The following MRTFA variants were observed in gnomAD, a reference collection of about 807,000 sequenced individuals.
MRTFA encodes the protein myocardin related transcription factor A.
MRTFA carries 20 observed loss-of-function variants against 83.5 expected under a neutral mutation model. That is an observed-to-expected ratio of 0.24 (90% confidence interval 0.17 to 0.35). The LOEUF is 0.35. MRTFA is among the 10% of genes least tolerant of loss of function. MRTFA has a pLI of 1.00. For synonymous variants in MRTFA, 659 were observed against 541.2 expected (o/e 1.22, Z -3.02); for missense variants, 1,200 against 1,224.7 (o/e 0.98, Z 0.30).
intron 3 of MRTFA, among the ~76,000 whole-genome samples, chr22:40,464,214 T>C (rs1006376805): frequency 6.7e-6 from 1 of 149,644 alleles, no homozygotes; most frequent in Non-Finnish European, 1.5e-5. Flanking sequence ...GGCAGGAGAA[T>C]TGCTTGAACC....
intron 1 of MRTFA, among the ~76,000 whole-genome samples, chr22:40,613,811 G>C (rs2056415736): frequency 6.6e-6 from 1 of 152,174 alleles, no homozygotes; most frequent in Non-Finnish European, 1.5e-5. Flanking sequence ...TCTGGAGGCT[G>C]AAGTGGGAGA....
chr22:40,450,600 C>T (rs957187305), intron 4 of MRTFA, among the ~76,000 whole-genome samples: 3 of 148,678 alleles, frequency 2.0e-5, no homozygotes, highest in East Asian at 2.0e-4. Context: ...GGATTACAGG[C>T]GCCTGCCACC....
chr22:40,448,507 G>A (rs2053426342), intron 4 of MRTFA, among the ~76,000 whole-genome samples: 1 of 152,164 alleles, frequency 6.6e-6, no homozygotes, highest in Non-Finnish European at 1.5e-5. Flanking sequence ...CAAAATGCAT[G>A]ATGGGTTACC....
rs145068709 is a variant in MRTFA, at chr22:40,423,582, T to C, written c.881A>G (p.Asn294Ser). 9.8e-5 allele frequency: 156 copies of C among 1,590,366 alleles called. 2 individuals are homozygous for C. In the East Asian group the frequency reaches 1.6e-3, roughly 16 times the overall value. ...CTTGGCAGTGGGGATAGTGGTTCCA[T>C]TGGTGAGGCTGGGAGGCAGCAGAGG... Residue 294 changes from asparagine (N) to serine (S), a missense_variant, in exon 9 of 15, where the codon AAT (asparagine) becomes AGT (serine). Around this residue, in one of 2 missense-constraint regions of MRTFA, gnomAD observed 1,107 missense variants for 1,041.8 expected, o/e 1.06. Coordinates refer to ENST00000355630, the MANE Select transcript of MRTFA (RefSeq NM_020831.6).
intron 2 of MRTFA, among the ~76,000 whole-genome samples, chr22:40,582,988 T>C (rs892807387): frequency 6.6e-6 from 1 of 152,120 alleles, no homozygotes; most frequent in East Asian, 1.9e-4. Context: ...AAGCAGCTAA[T>C]AGATTTAGAG....
chr22:40,635,300 G>T (rs1702639160), intron 1 of MRTFA, among the ~76,000 whole-genome samples: 1 of 152,108 alleles, frequency 6.6e-6, no homozygotes, highest in Non-Finnish European at 1.5e-5. Flanking sequence ...AGTTTTGGGG[G>T]TCTTCTGAAG....
At chr22:40,439,219 G>C (rs921381824) in intron 4 of MRTFA, among the ~76,000 whole-genome samples, 3 of 152,258 alleles carry the variant, frequency 2.0e-5, no homozygotes, top group Middle Eastern at 3.4e-3. Context: ...TTAGAGAAGA[G>C]AGGCTGGGCA....
chr22:40,444,968 G>C (rs1389191535), intron 4 of MRTFA, among the ~76,000 whole-genome samples: 1 of 152,188 alleles, frequency 6.6e-6, no homozygotes, highest in Non-Finnish European at 1.5e-5. Flanking sequence ...TTGGGAGGCT[G>C]AGATGGAAGA....
Position 40,423,649 on chromosome 22 carries a change from C to T in MRTFA, c.814G>A (p.Glu272Lys). ...GGCTGCTCTGCCAGGAAAAGCATTT[C>T]TCTGGAATCCCGGCCCATCGGAAGT... Residue 272 changes from glutamate (E) to lysine (K), a missense_variant, in exon 9 of 15, where the codon GAA (glutamate) becomes AAA (lysine). Glu to Lys is a moderately conservative substitution (Grantham distance 56). This residue lies in a region of MRTFA where 1,107 missense variants were observed against 1,041.8 expected (regional missense o/e 1.06). Coordinates refer to ENST00000355630, the MANE Select transcript of MRTFA (RefSeq NM_020831.6). 6.3e-7 allele frequency: 1 copy of T among 1,586,434 alleles called. No individual in the cohort carries two copies. The highest frequency in any genetic ancestry group is 8.6e-7 in the Non-Finnish European group (1 of 1,165,432).
At chr22:40,436,387 C>G (rs1183569759) in intron 4 of MRTFA, 1 of 154,408 alleles carries the variant, frequency 6.5e-6, no homozygotes. Context: ...TCCTTCTTCA[C>G]TGCACCTGTT....
chr22:40,417,486 G>A lies in MRTFA; in HGVS notation c.2372C>T (p.Ser791Phe). The A allele has an allele frequency of 6.8e-7, 1 of 1,463,294 alleles. No homozygotes were observed. Among genetic ancestry groups the A allele is most frequent in the Non-Finnish European group, 9.2e-7 (1 of 1,090,228 alleles). The allele number at this position is 1,463,294 out of a possible 1,614,324, so 90.6% of individuals were successfully genotyped here. A position where few individuals can be genotyped will look rare whatever the true frequency, so the allele number is the denominator to read the frequency against. ...GGCAGGCGCTGGAGAGCCAGGCTGG[G>A]ACGAGGGCTGGACAGGAGAGCAGGG... Residue 791 changes from serine to phenylalanine, a missense_variant, in exon 13 of 15, where the codon TCC becomes TTC. Physicochemically the swap from Ser to Phe is radical, Grantham distance 155. Around this residue, in one of 2 missense-constraint regions of MRTFA, gnomAD observed 1,107 missense variants for 1,041.8 expected, o/e 1.06. Coordinates refer to ENST00000355630, the MANE Select transcript of MRTFA (RefSeq NM_020831.6).
intron 11 of MRTFA, among the ~76,000 whole-genome samples, chr22:40,419,953 C>T (rs1028801864): frequency 2.0e-5 from 3 of 152,194 alleles, no homozygotes; most frequent in African/African-American, 7.2e-5. Flanking sequence ...TCTGCATTAA[C>T]CGGCAAAGGG....
Position 40,420,828 on chromosome 22 carries a change from G to A in MRTFA, c.1181+19C>T, listed in dbSNP as rs1569254100. Reference sequence around the variant, plus strand: ...GGCTCGGGGAGGGCAGGGGCAGGCAGTGAGGAGCGGGTGCCTACTTTGGCG... The same window carrying A: ...GGCTCGGGGAGGGCAGGGGCAGGCAATGAGGAGCGGGTGCCTACTTTGGCG... On this transcript the variant is annotated intron_variant, in intron 10 of 14. Transcript: ENST00000355630. 1.2e-6 allele frequency: 2 copies of A among 1,612,488 alleles called. No individual in the cohort carries two copies. The highest frequency in any genetic ancestry group is 1.7e-6 in the Non-Finnish European group (2 of 1,179,840).
intron 1 of MRTFA, among the ~76,000 whole-genome samples, chr22:40,627,791 G>C (rs557473639): frequency 6.6e-6 from 1 of 152,114 alleles, no homozygotes; most frequent in African/African-American, 2.4e-5. Flanking sequence ...TCAGCCTGGG[G>C]AACACTGTGA....
intron 1 of MRTFA, among the ~76,000 whole-genome samples, chr22:40,602,318 T>C (rs2056269602): frequency 6.6e-6 from 1 of 152,190 alleles, no homozygotes; most frequent in Non-Finnish European, 1.5e-5. Flanking sequence ...GTGTGCTAAG[T>C]ACTTCAATAC....
rs149173803 is a variant in MRTFA at position 40,562,067 on chromosome 22, A to G, written c.-21-9700T>C. 7.0e-4 allele frequency among the ~76,000 whole-genome samples: 107 copies of G among 152,282 alleles called. 1 individual carries two copies. The East Asian group carries it at 0.019, about 27-fold the overall frequency. ...TCAACTCTACAAAAAATACAAAAAAATTAGCCGGACGTGGTGGTGGGCACC... is the reference window on the plus strand; with the variant it reads ...TCAACTCTACAAAAAATACAAAAAAGTTAGCCGGACGTGGTGGTGGGCACC... On this transcript the variant is annotated intron_variant, in intron 2 of 14. Coordinates refer to ENST00000355630, the MANE Select transcript of MRTFA (RefSeq NM_020831.6).
chr22:40,559,013 C>T (rs922217475), intron 2 of MRTFA, among the ~76,000 whole-genome samples: 2 of 152,070 alleles, frequency 1.3e-5, no homozygotes, highest in Non-Finnish European at 1.5e-5. Context: ...AACTCCTGAC[C>T]TCAGGTGATC....
chr22:40,589,304 G>T (rs1447417930), intron 2 of MRTFA, among the ~76,000 whole-genome samples: 2 of 152,164 alleles, frequency 1.3e-5, no homozygotes, highest in Non-Finnish European at 2.9e-5. Context: ...TATGTGACAA[G>T]TGTTATCAGA....
At chr22:40,571,921 C>CAAAAAAA (rs557782525) in intron 2 of MRTFA, among the ~76,000 whole-genome samples, 14 of 18,718 alleles carry the variant, frequency 7.5e-4, no homozygotes, top group African/African-American at 1.9e-3. Context: ...AAGACTCTGT[C>CAAAAAAA]AAAAAAAAAA....
Sources: allele counts gnomAD v4.1 joint callset (sites outside exome capture counted in the v4.1 genomes callset), GRCh38; gene constraint gnomAD v4.1.1; regional missense constraint gnomAD v4.1.1; transcripts MANE v1.5; gene names NCBI Gene and HGNC (gene_info 2026-07-23, HGNC 2026-07-21).